Variants in MYO7B observed in about 807,000 individuals in gnomAD.
MYO7B encodes unconventional myosin-VIIb.
MYO7B carries 212 observed loss-of-function variants against 259.7 expected under a neutral mutation model. The observed-to-expected ratio is 0.82, with a 90% confidence interval of 0.73 to 0.91. The LOEUF (loss-of-function observed/expected upper bound fraction) is 0.91, where lower values mean the gene tolerates loss of function less well. Among genes scored for constraint, MYO7B ranks in the 40% least tolerant of loss-of-function variants. The pLI, the probability that MYO7B is intolerant of heterozygous loss-of-function variation, is 0.00. For synonymous variants in MYO7B, 1,197 were observed against 1,166.4 expected (o/e 1.03, Z -0.54); for missense variants, 2,732 against 2,813.5 (o/e 0.97, Z 0.66).
rs544779569 is a variant in MYO7B, at chr2:127,555,793, T to C, written c.-23-3907T>C. Among the ~76,000 whole-genome samples the C allele has an allele frequency of 2.3e-3, 355 of 152,352 alleles. 2 individuals are homozygous for C. The highest frequency in any genetic ancestry group is 7.8e-3 in the African/African-American group (326 of 41,588). On this transcript the variant is annotated intron_variant, in intron 1 of 47. Coordinates refer to ENST00000409816, the MANE Select transcript of MYO7B (RefSeq NM_001393586.1). ...TATAATTTCAATTTTCTTAAATTTATTGAGACTTGTTTTGTGGCTTATCGT... is the reference window on the plus strand; with the variant it reads ...TATAATTTCAATTTTCTTAAATTTACTGAGACTTGTTTTGTGGCTTATCGT...
intron 1 of MYO7B, among the ~76,000 whole-genome samples, chr2:127,557,477 T>G (rs1229583665): frequency 6.6e-6 from 1 of 152,158 alleles, no homozygotes; most frequent in South Asian, 2.1e-4. Context: ...AAAAAAACCC[T>G]CATTTTGTCA....
chr2:127,556,002 TC>T (rs1287212897), intron 1 of MYO7B, among the ~76,000 whole-genome samples: 2 of 152,180 alleles, frequency 1.3e-5, no homozygotes, highest in Non-Finnish European at 2.9e-5. Flanking sequence ...AGTATTGAAG[TC>T]CCCGGCTATT....
chr2:127,627,443 C>T lies in MYO7B; in HGVS notation c.4460+133C>T, dbSNP rs759624085. The T allele has an allele frequency of 5.8e-5, 72 of 1,237,168 alleles. 1 individual carries two copies. In the Middle Eastern group the frequency reaches 7.4e-4, roughly 13 times the overall value. The allele number at this position is 1,237,168 out of a possible 1,614,324, so 76.6% of individuals were successfully genotyped here. On this transcript the variant is annotated intron_variant, in intron 33 of 47. Transcript: ENST00000409816. The surrounding 1 kb of genome is among the most constrained non-coding windows in gnomAD (Gnocchi z 5.6). ...GCCGGGGTGGAGGGACAAGAATCTA[C>T]GTATGCGATGGCTTCTGTACTTCGG... is the stretch of plus-strand genomic sequence containing the variant.
At chr2:127,554,071 T>TTTTA (rs1052404159) in intron 1 of MYO7B, among the ~76,000 whole-genome samples, 3 of 152,176 alleles carry the variant, frequency 2.0e-5, no homozygotes, top group South Asian at 4.1e-4. Flanking sequence ...TATTTATTAT[T>TTTTA]TTTATTTATT....
In MYO7B at chr2:127,585,295, T is replaced by A. The variant is rs1008450772; in HGVS notation, c.1690+382T>A. Among the ~76,000 whole-genome samples, 1 of 152,196 alleles carries A rather than the reference T, an allele frequency of 6.6e-6. No homozygotes were observed. Among genetic ancestry groups the A allele is most frequent in the Admixed American group, 6.5e-5 (1 of 15,284 alleles). Reference sequence around the variant, plus strand: ...GGGCAACAATTAATTTCTGTCTCTATGGATTTGCCTATTCTGACTTTTTGC... The same window carrying A: ...GGGCAACAATTAATTTCTGTCTCTAAGGATTTGCCTATTCTGACTTTTTGC... On this transcript the variant is annotated intron_variant, in intron 14 of 47. Transcript: ENST00000409816. This position sits in a 1 kb window ranked among gnomAD's most constrained non-coding sequence, Gnocchi z 4.3.
chr2:127,622,251 T>A, intron 28 of MYO7B, 150 bp downstream of exon 28: 1 of 1,145,554 alleles, frequency 8.7e-7, no homozygotes, highest in Non-Finnish European at 1.2e-6. Flanking sequence ...ATGCCAGTGG[T>A]CCCTGTGAGT....
intron 1 of MYO7B, among the ~76,000 whole-genome samples, chr2:127,548,459 C>T (rs1239527877): frequency 4.6e-5 from 7 of 150,696 alleles, no homozygotes; most frequent in Non-Finnish European, 7.4e-5. Flanking sequence ...CTCTGTCACC[C>T]AGGCTGGAGT....
At chr2:127,549,178 TTCTTTCTC>T (rs57905519) in intron 1 of MYO7B, among the ~76,000 whole-genome samples, 23,143 of 131,504 alleles carry the variant, frequency 0.18, 3,079 homozygotes, top group African/African-American at 0.38. Flanking sequence ...CTTTCTTTCT[TTCTTTCTC>T]TCTTTCTTTC....
intron 14 of MYO7B, among the ~76,000 whole-genome samples, chr2:127,587,744 T>C (rs1284551844): frequency 1.3e-5 from 2 of 152,050 alleles, no homozygotes; most frequent in Non-Finnish European, 2.9e-5. Flanking sequence ...AACTTTTGTA[T>C]TTTTAGTAGA....
chr2:127,572,686 A>G (rs1348115304), intron 6 of MYO7B, among the ~76,000 whole-genome samples: 2 of 151,628 alleles, frequency 1.3e-5, no homozygotes, highest in African/African-American at 2.4e-5. Context: ...CTGTTGACTT[A>G]CCTTTGCACC....
Position 127,580,693 on chromosome 2 carries a change from C to T in MYO7B, c.1004-53C>T, listed in dbSNP as rs998084990. 7 of 1,541,970 alleles carry T rather than the reference C, an allele frequency of 4.5e-6. No individual in the cohort carries two copies. In the African/African-American group the frequency reaches 5.5e-5, roughly 12 times the overall value. On this transcript the variant is annotated intron_variant, in intron 9 of 47. Transcript: ENST00000409816. The stretch of plus-strand genomic sequence containing the variant: ...AGGGCCCGGGCCAGTCGGGACCTTG[C>T]TCCCATCGCTCCAGGCTGCTTTCCA...
chr2:127,635,396 C>T, intron 43 of MYO7B, 170 bp downstream of exon 43: 3 of 665,852 alleles, frequency 4.5e-6, no homozygotes, highest in Non-Finnish European at 7.7e-6. Context: ...GAGCAGAGGG[C>T]AGCAATGTTT....
At chr2:127,624,783 G>A (rs1454008719) in intron 30 of MYO7B, among the ~76,000 whole-genome samples, 1 of 152,216 alleles carries the variant, frequency 6.6e-6, no homozygotes, top group East Asian at 1.9e-4. Context: ...CTCTTTTGTA[G>A]GGGATTGTGA....
chr2:127,543,614 C>T (rs1046225058), intron 1 of MYO7B, among the ~76,000 whole-genome samples: 2 of 152,110 alleles, frequency 1.3e-5, no homozygotes, highest in African/African-American at 4.8e-5. Context: ...CCTCCTTCCA[C>T]TCTCCACCCC....
chr2:127,554,779 A>G (rs1213196350), intron 1 of MYO7B, among the ~76,000 whole-genome samples: 1 of 151,938 alleles, frequency 6.6e-6, no homozygotes, highest in Non-Finnish European at 1.5e-5. Flanking sequence ...TGGTCTGTTC[A>G]GGGTATCTAA....
intron 1 of MYO7B, among the ~76,000 whole-genome samples, chr2:127,538,811 T>G (rs919117461): frequency 1.3e-5 from 2 of 152,072 alleles, no homozygotes; most frequent in African/African-American, 4.8e-5. Flanking sequence ...GTGATTCACC[T>G]TCCTCAGCCT....
chr2:127,624,686 G>A (rs1434300805), intron 30 of MYO7B, among the ~76,000 whole-genome samples: 1 of 152,240 alleles, frequency 6.6e-6, no homozygotes, highest in Admixed American at 6.5e-5. Context: ...ACCTTGGAAA[G>A]TCCTGTCACC....
chr2:127,608,466 C>A lies in MYO7B; in HGVS notation c.2644-242C>A, dbSNP rs78733257. Among the ~76,000 whole-genome samples the A allele has an allele frequency of 8.5e-3, 1,301 of 152,330 alleles. 20 individuals carry two copies. The highest frequency in any genetic ancestry group is 0.029 in the African/African-American group (1,219 of 41,570). On this transcript the variant is annotated intron_variant, in intron 21 of 47. Transcript: ENST00000409816. ...GAGCCATCTGAGGGTAGGGACAAGC[C>A]AGCAACCTCACCTCTCCAGAGCTCT...
Position 127,634,378 on chromosome 2 carries a change from G to A in MYO7B, c.5625+89G>A, listed in dbSNP as rs1681682038. ...GCCTGTGGGGGCCTCAGCCTACCAG[G>A]GGCACCCATGCTGGACCAGGCTGCA... On this transcript the variant is annotated intron_variant, in intron 41 of 47. Transcript: ENST00000409816. 7 of 1,082,088 alleles carry A rather than the reference G, an allele frequency of 6.5e-6. No individual in the cohort carries two copies. In the Admixed American group the frequency reaches 8.0e-5, roughly 12 times the overall value. 67.0% of individuals were successfully genotyped at this position (1,082,088 alleles called of 1,614,324 possible).
Sources: gnomAD v4.1 joint callset for allele counts (sites outside exome capture counted in the v4.1 genomes callset) on GRCh38, gnomAD v4.1.1 for gene constraint, Gnocchi (gnomAD v3.1) non-coding constraint, MANE v1.5 for transcripts, NCBI Gene and HGNC (gene_info 2026-07-23, HGNC 2026-07-21) for gene names.